The following CD180 variants were observed in gnomAD, a reference collection of about 807,000 sequenced individuals.
CD180 encodes the protein CD180 molecule.
CD180 carries 11 observed loss-of-function variants against 10.7 expected under a neutral mutation model. The observed-to-expected ratio is 1.03, with a 90% confidence interval of 0.65 to 1.70. The LOEUF (loss-of-function observed/expected upper bound fraction) is 1.70, where lower values mean the gene tolerates loss of function less well. Ranked by LOEUF, CD180 falls within the 40% of genes most tolerant of loss-of-function variation. The pLI, the probability that CD180 is intolerant of heterozygous loss-of-function variation, is 0.00. For synonymous variants in CD180, 286 were observed against 294.6 expected (o/e 0.97, Z 0.30); for missense variants, 729 against 775.2 (o/e 0.94, Z 0.71).
intron 1 of CD180, among the ~76,000 whole-genome samples, chr5:67,187,280 A>G (rs1448852874): frequency 6.6e-6 from 1 of 152,204 alleles, no homozygotes; most frequent in Non-Finnish European, 1.5e-5. Flanking sequence ...GAATATTGAG[A>G]TTCTTTGTTA....
chr5:67,184,190 G>A lies in CD180; in HGVS notation c.653C>T (p.Ala218Val). 6.2e-7 allele frequency: 1 copy of A among 1,614,112 alleles called. No individual in the cohort carries two copies. The highest frequency in any genetic ancestry group is 8.5e-7 in the Non-Finnish European group (1 of 1,180,024). The stretch of plus-strand genomic sequence containing the variant: ...ACTTTGGAAGATCGTTGAATCAAAA[G>A]CCCCAAGCTCAATACCTTTAACATT... The part of the protein sequence containing the change: ...GNNVKGIELG[A>V]FDSTIFQSLN... Residue 218 changes from alanine to valine, a missense_variant, in exon 3 of 3, where the codon GCT (alanine) becomes GTT (valine). Transcript: ENST00000256447.
chr5:67,186,481 G>A (rs1410438044), intron 1 of CD180, among the ~76,000 whole-genome samples: 1 of 152,014 alleles, frequency 6.6e-6, no homozygotes, highest in Non-Finnish European at 1.5e-5. Context: ...AACAAACCAT[G>A]CAAAAACCCA....
Position 67,180,858 on chromosome 5 carries a change from G to C in CD180, c.*1999C>G, listed in dbSNP as rs141549587. ...TACTAAAAATACAAAAATTAGCCAG[G>C]CGTGGTGGTGGGCGCCTGTAATCCC... On this transcript the variant is annotated 3_prime_UTR_variant, in exon 3 of 3. Coordinates refer to ENST00000256447, the MANE Select transcript of CD180 (RefSeq NM_005582.3). 0.051 allele frequency: 7,809 copies of C among 152,014 alleles called. 456 individuals are homozygous for C. Among genetic ancestry groups the C allele is most frequent in the East Asian group, 0.2 (1,054 of 5,158 alleles). 9.4% of individuals were successfully genotyped at this position (152,014 alleles called of 1,614,324 possible).
At chr5:67,191,918 A>G (rs1742313118) in intron 1 of CD180, among the ~76,000 whole-genome samples, 1 of 152,206 alleles carries the variant, frequency 6.6e-6, no homozygotes, top group Admixed American at 6.5e-5. Context: ...TGTAAAAAAC[A>G]AAAACAATTT....
At chr5:67,193,915 A>G (rs1325638212) in intron 1 of CD180, among the ~76,000 whole-genome samples, 1 of 152,214 alleles carries the variant, frequency 6.6e-6, no homozygotes, top group Non-Finnish European at 1.5e-5. Context: ...ATGTTATCCT[A>G]TTGGAGGCTG....
intron 2 of CD180, among the ~76,000 whole-genome samples, chr5:67,185,288 TACACACACACAC>T (rs138274022): frequency 1.4e-4 from 18 of 130,074 alleles, no homozygotes; most frequent in South Asian, 2.6e-4. Flanking sequence ...TGTCCCCTCT[TACACACACACAC>T]ACACACACAC....
rs1561233764 is a variant in CD180, at chr5:67,183,759, CA to C, written c.1083del (p.Gly362ValfsTer8). 5 of 1,614,120 alleles carry C rather than the reference CA, an allele frequency of 3.1e-6. No homozygotes were observed. Among genetic ancestry groups the C allele is most frequent in the South Asian group, 1.1e-5 (1 of 91,072 alleles). On this transcript the variant is annotated frameshift_variant, in exon 3 of 3. Transcript: ENST00000256447. LOFTEE classifies it low-confidence loss of function (END_TRUNC). Reference sequence around the variant, plus strand: ...CCTAGTTTCTCCAAGCAGCCAACACCAAGGTGAAGTTTCTTCACGTTGCCTC... The same window carrying C: ...CCTAGTTTCTCCAAGCAGCCAACACCAGGTGAAGTTTCTTCACGTTGCCTC... ...YIRGNVKKLH[L>X]GVGCLEKLGN...
Position 67,183,044 on chromosome 5 carries a change from T to C in CD180, c.1799A>G (p.Glu600Gly). Residue 600 changes from glutamate (E) to glycine (G), a missense_variant, in exon 3 of 3, where the codon GAA becomes GGA. Physicochemically the swap from Glu to Gly is moderately conservative, Grantham distance 98. Transcript: ENST00000256447. ...TGCACACGTGGTCTCCTCCGAGCCT[T>C]CAAGTTTGTGCAGGTTTTCTTTGTA... Reference protein sequence around the residue: ...TWYKENLHKLEGSEETTCANP... With the variant: ...TWYKENLHKLGGSEETTCANP... The C allele has an allele frequency of 6.2e-7, 1 of 1,613,570 alleles. No homozygotes were observed. The highest frequency in any genetic ancestry group is 1.1e-5 in the South Asian group (1 of 90,886).
At chr5:67,185,794 A>G (rs1426117813) in intron 2 of CD180, 57 bp downstream of exon 2, 15 of 1,338,946 alleles carry the variant, frequency 1.1e-5, no homozygotes, top group Non-Finnish European at 1.4e-5. Flanking sequence ...AATTAAGCAC[A>G]TACTGTATTT....
At position 67,184,507 on chromosome 5, in the gene CD180, G is replaced by C. The variant is rs765586112; in HGVS notation, c.336C>G (p.Pro112=). The C allele has an allele frequency of 6.8e-6, 11 of 1,613,746 alleles. No homozygotes were observed. Among genetic ancestry groups the C allele is most frequent in the Admixed American group, 1.7e-5 (1 of 59,998 alleles). Residue 112 remains proline (P), a synonymous_variant, in exon 3 of 3, where the codon CCC becomes CCG. Transcript: ENST00000256447. ...QLSTLVLTGN[P]LIFMAETSLN... is the part of the protein sequence containing the mutation. Reference sequence around the variant, plus strand: ...GCGATGTTTCTGCCATGAATATCAGGGGATTTCCAGTTAACACAAGTGTGC... The same window carrying C: ...GCGATGTTTCTGCCATGAATATCAGCGGATTTCCAGTTAACACAAGTGTGC...
intron 1 of CD180, among the ~76,000 whole-genome samples, chr5:67,193,006 G>A (rs1290530455): frequency 6.6e-6 from 1 of 152,178 alleles, no homozygotes; most frequent in Non-Finnish European, 1.5e-5. Flanking sequence ...GAATCCTTCT[G>A]CTGCGTAAAT....
At chr5:67,193,131 T>C (rs1742340147) in intron 1 of CD180, among the ~76,000 whole-genome samples, 1 of 152,220 alleles carries the variant, frequency 6.6e-6, no homozygotes, top group Non-Finnish European at 1.5e-5. Context: ...GTCTCCTCAG[T>C]TTGCGAACTG....
At chr5:67,191,072 C>T in intron 1 of CD180, 1 of 985,384 alleles carries the variant, frequency 1.0e-6, no homozygotes. Flanking sequence ...TGAGCCAAAT[C>T]CCAGAGCAAC....
At chr5:67,196,015 C>G (rs1742395333) in intron 1 of CD180, among the ~76,000 whole-genome samples, 1 of 152,212 alleles carries the variant, frequency 6.6e-6, no homozygotes, top group African/African-American at 2.4e-5. Context: ...ACAGAAGGTG[C>G]AATTTGGCTC....
chr5:67,192,356 G>A (rs1056620012), intron 1 of CD180, among the ~76,000 whole-genome samples: 4 of 151,994 alleles, frequency 2.6e-5, no homozygotes, highest in Non-Finnish European at 5.9e-5. Context: ...CACTGCACTC[G>A]AGCCTGGGCG....
In CD180 at chr5:67,183,647, T is replaced by C. The variant is rs868154912; in HGVS notation, c.1196A>G (p.Gln399Arg). The C allele has an allele frequency of 6.2e-7, 1 of 1,614,082 alleles. No homozygotes were observed. The highest frequency in any genetic ancestry group is 1.3e-5 in the African/African-American group (1 of 74,946). ...SLQLKNLSHL[Q>R]TLNLSHNEPL... ...CTCATTGTGGCTCAGGTTTAAGGTT[T>C]GCAAGTGGGACAGGTTTTTGAGTTG... The change falls in exon 3 of 3, where the codon CAA becomes CGA. Residue 399 changes from glutamine (Q) to arginine (R), a missense_variant. Physicochemically the swap from Gln to Arg is conservative, Grantham distance 43. Coordinates refer to ENST00000256447, the MANE Select transcript of CD180 (RefSeq NM_005582.3).
rs1006651553 is a variant in CD180 at position 67,186,882 on chromosome 5, G to A, written c.91-865C>T. On this transcript the variant is annotated intron_variant, in intron 1 of 2. Transcript: ENST00000256447. ...TGTGTGTGTGTGTGTGTGAAAGAGA[G>A]AGAGAGAGAGAGAGAGAATGAGAGA... 2.7e-4 allele frequency among the ~76,000 whole-genome samples: 41 copies of A among 150,920 alleles called. 1 individual carries two copies. Among genetic ancestry groups the A allele is most frequent in the Admixed American group, 9.9e-4 (15 of 15,142 alleles).
Position 67,182,625 on chromosome 5 carries a change from C to T in CD180, c.*232G>A, listed in dbSNP as rs1742071213. On this transcript the variant is annotated 3_prime_UTR_variant, in exon 3 of 3. Transcript: ENST00000256447. ...TCCACATGCGGAAAGGGCTCTGTGCCTCTCACAGCAGCATCTGACCCTCTG... is the reference window on the plus strand; with the variant it reads ...TCCACATGCGGAAAGGGCTCTGTGCTTCTCACAGCAGCATCTGACCCTCTG... 2.6e-6 allele frequency: 1 copy of T among 388,230 alleles called. No individual in the cohort carries two copies. 24.0% of individuals were successfully genotyped at this position (388,230 alleles called of 1,614,324 possible).
Position 67,184,446 on chromosome 5 carries a change from T to A in CD180, c.397A>T (p.Ile133Phe). ...GPKSLKHLFL[I>F]QTGISNLEFI... ...TCGAGATTGGATATTCCCGTTTGGA[T>A]TAAGAAAAGATGCTTCAGTGACTTG... Residue 133 changes from isoleucine to phenylalanine, a missense_variant, in exon 3 of 3, where the codon ATC becomes TTC. Coordinates refer to ENST00000256447, the MANE Select transcript of CD180 (RefSeq NM_005582.3). 6.2e-7 allele frequency: 1 copy of A among 1,614,178 alleles called. No individual in the cohort carries two copies. The highest frequency in any genetic ancestry group is 1.3e-5 in the African/African-American group (1 of 75,054).
Sources: allele counts gnomAD v4.1 joint callset (sites outside exome capture counted in the v4.1 genomes callset), GRCh38; gene constraint gnomAD v4.1.1; transcripts MANE v1.5; gene names NCBI Gene and HGNC (gene_info 2026-07-23, HGNC 2026-07-21).